Variants in SPOCK3 observed in about 807,000 individuals in gnomAD.
The protein encoded by SPOCK3 is SPARC (osteonectin), cwcv and kazal like domains proteoglycan 3.
SPOCK3 carries 30 observed loss-of-function variants against 56.6 expected under a neutral mutation model. The observed-to-expected ratio is 0.53, with a 90% CI of 0.40 to 0.72. SPOCK3 has a LOEUF of 0.72. SPOCK3 is among the 30% of genes least tolerant of loss of function. The pLI is 0.00. For synonymous variants in SPOCK3, 196 were observed against 183.3 expected (o/e 1.07, Z -0.56); for missense variants, 527 against 530.0 (o/e 0.99, Z 0.06).
chr4:167,026,247 C>T (rs1404612938), intron 3 of SPOCK3, among the ~76,000 whole-genome samples: 1 of 151,914 alleles, frequency 6.6e-6, no homozygotes, highest in African/African-American at 2.4e-5. Flanking sequence ...GAAGAACTGC[C>T]CAGGGAATCT....
At chr4:166,848,854 A>G (rs768330965) in intron 6 of SPOCK3, among the ~76,000 whole-genome samples, 5 of 152,050 alleles carry the variant, frequency 3.3e-5, no homozygotes, top group Non-Finnish European at 7.4e-5. Context: ...GCAATGTTGT[A>G]CCCTTTCTGT....
At chr4:167,121,379 T>C (rs1236092613) in intron 2 of SPOCK3, among the ~76,000 whole-genome samples, 1 of 151,942 alleles carries the variant, frequency 6.6e-6, no homozygotes, top group Non-Finnish European at 1.5e-5. Context: ...AGCAATTCAA[T>C]TGTATTTTCC....
chr4:167,058,030 C>A (rs554767358), intron 3 of SPOCK3, among the ~76,000 whole-genome samples: 184 of 152,196 alleles, frequency 1.2e-3, no homozygotes, highest in Non-Finnish European at 1.9e-3. Flanking sequence ...TGACCACATA[C>A]TTTGAAGTAA....
chr4:167,160,854 T>C (rs1220108541), intron 2 of SPOCK3, among the ~76,000 whole-genome samples: 2 of 152,200 alleles, frequency 1.3e-5, no homozygotes, highest in Non-Finnish European at 2.9e-5. Context: ...AAGCTGAAAC[T>C]GCATCCCTTC....
chr4:167,059,327 A>T (rs1755307200), intron 3 of SPOCK3, among the ~76,000 whole-genome samples: 1 of 152,026 alleles, frequency 6.6e-6, no homozygotes, highest in African/African-American at 2.4e-5. Context: ...CAACCCCATC[A>T]AAAAGTGGGC....
At chr4:167,066,235 G>A (rs1431737358) in intron 2 of SPOCK3, among the ~76,000 whole-genome samples, 1 of 151,788 alleles carries the variant, frequency 6.6e-6, no homozygotes, top group African/African-American at 2.4e-5. Flanking sequence ...CTCAGCCTTG[G>A]CATTATTGAT....
intron 4 of SPOCK3, among the ~76,000 whole-genome samples, chr4:166,976,865 T>C (rs1746003974): frequency 6.6e-6 from 1 of 151,910 alleles, no homozygotes; most frequent in South Asian, 2.1e-4. Context: ...CATAAAAATC[T>C]CACAGATATT....
chr4:167,078,341 TGTGTG>T (rs1757394422), intron 2 of SPOCK3, among the ~76,000 whole-genome samples: 1 of 148,838 alleles, frequency 6.7e-6, no homozygotes, highest in Non-Finnish European at 1.5e-5. Context: ...TGTGTGTGTG[TGTGTG>T]TGTGTGTGTG....
At chr4:166,804,012 A>G (rs1158747841) in intron 6 of SPOCK3, among the ~76,000 whole-genome samples, 2 of 152,212 alleles carry the variant, frequency 1.3e-5, no homozygotes, top group African/African-American at 2.4e-5. Context: ...AGAAGGGTTC[A>G]CTAGCAGCTT....
At chr4:167,153,275 C>CA (rs879370150) in intron 2 of SPOCK3, among the ~76,000 whole-genome samples, 1 of 152,004 alleles carries the variant, frequency 6.6e-6, no homozygotes, top group African/African-American at 2.4e-5. Flanking sequence ...CGATCACTCT[C>CA]AAAAAACAAA....
chr4:167,017,722 ATG>A (rs892712679), intron 3 of SPOCK3, among the ~76,000 whole-genome samples: 23 of 151,526 alleles, frequency 1.5e-4, no homozygotes, highest in South Asian at 6.3e-4. Flanking sequence ...ATATGAATGT[ATG>A]TGTGTGTGTG....
At chr4:167,204,806 C>T (rs2110956327) in intron 2 of SPOCK3, among the ~76,000 whole-genome samples, 2 of 151,740 alleles carry the variant, frequency 1.3e-5, no homozygotes, top group Middle Eastern at 3.4e-3. Context: ...TAGGAACAGC[C>T]TTTGTCCTAA....
chr4:166,801,038 A>G (rs1742539131), intron 6 of SPOCK3, among the ~76,000 whole-genome samples: 1 of 152,194 alleles, frequency 6.6e-6, no homozygotes, highest in Admixed American at 6.5e-5. Context: ...ATTGCCTACA[A>G]TATTTAGTAC....
intron 6 of SPOCK3, among the ~76,000 whole-genome samples, chr4:166,828,299 T>A (rs1464440073): frequency 6.6e-6 from 1 of 152,060 alleles, no homozygotes; most frequent in Non-Finnish European, 1.5e-5. Context: ...TACAATTTCA[T>A]ACTTAAATAA....
chr4:167,063,358 G>T (rs957798757), intron 2 of SPOCK3, among the ~76,000 whole-genome samples: 1 of 151,670 alleles, frequency 6.6e-6, no homozygotes, highest in Non-Finnish European at 1.5e-5. Flanking sequence ...AAATTAAAAA[G>T]ATATCACTGT....
At chr4:167,104,674 A>G (rs1482204117) in intron 2 of SPOCK3, among the ~76,000 whole-genome samples, 1 of 152,094 alleles carries the variant, frequency 6.6e-6, no homozygotes, top group Non-Finnish European at 1.5e-5. Flanking sequence ...AAGTTTATTG[A>G]AAGGAATAAT....
At chr4:167,055,482 G>C (rs1371856842) in intron 3 of SPOCK3, among the ~76,000 whole-genome samples, 1 of 152,182 alleles carries the variant, frequency 6.6e-6, no homozygotes, top group Non-Finnish European at 1.5e-5. Context: ...CCGTGCGCGA[G>C]CCAAAGCAGG....
intron 6 of SPOCK3, among the ~76,000 whole-genome samples, chr4:166,885,802 T>G (rs148688818): frequency 6.6e-6 from 1 of 152,238 alleles, no homozygotes; most frequent in African/African-American, 2.4e-5. Context: ...AAACTCATAA[T>G]CATAAGAAAA....
At chr4:166,793,646 T>C (rs1579243835) in intron 6 of SPOCK3, among the ~76,000 whole-genome samples, 3 of 152,254 alleles carry the variant, frequency 2.0e-5, no homozygotes, top group Middle Eastern at 3.4e-3. Flanking sequence ...TAGCCAATCA[T>C]TGTGACATTT....
Sources: gnomAD v4.1 joint callset for allele counts (sites outside exome capture counted in the v4.1 genomes callset) on GRCh38, gnomAD v4.1.1 for gene constraint, MANE v1.5 for transcripts, NCBI Gene and HGNC (gene_info 2026-07-23, HGNC 2026-07-21) for gene names.